Variants in NEO1 observed in about 807,000 individuals in gnomAD.
NEO1 encodes the protein neogenin.
In NEO1, 63 loss-of-function variants were observed where a neutral mutation model predicts 159.7. That is an observed-to-expected ratio of 0.39 (90% confidence interval 0.32 to 0.49). The LOEUF is 0.49. NEO1 is among the 20% of genes least tolerant of loss of function. NEO1 has a pLI of 0.85. For synonymous variants in NEO1, 633 were observed against 662.0 expected, an observed-to-expected ratio of 0.96 and a Z score of 0.67; for missense variants, 1,615 against 1,831.0, an observed-to-expected ratio of 0.88 and a Z score of 2.15.
At chr15:73,119,014 C>T (rs531164518) in intron 2 of NEO1, among the ~76,000 whole-genome samples, 16 of 138,774 alleles carry the variant, frequency 1.2e-4, no homozygotes, top group East Asian at 4.0e-4. Context: ...TGTGTGTGTG[C>T]GCGCAATTAA....
chr15:73,118,569 T>C (rs1425703793), intron 2 of NEO1, among the ~76,000 whole-genome samples: 1 of 152,096 alleles, frequency 6.6e-6, no homozygotes, highest in African/African-American at 2.4e-5. Flanking sequence ...GTTAATTTTA[T>C]CCTCCACCTT....
At position 73,234,997 on chromosome 15, in the gene NEO1, T is replaced by C. The variant is rs150984689; in HGVS notation, c.1292-1350T>C. The stretch of plus-strand genomic sequence containing the variant: ...TGCTGTAAGGATTGAATGATCTATA[T>C]AGAGAGCCAGAGTGCCATATGTAAG... On this transcript the variant is annotated intron_variant, in intron 7 of 28. Coordinates refer to ENST00000261908, the MANE Select transcript of NEO1 (RefSeq NM_002499.4). 6.6e-5 allele frequency among the ~76,000 whole-genome samples: 10 copies of C among 152,306 alleles called. No individual in the cohort carries two copies. In the East Asian group the frequency reaches 1.9e-3, roughly 29 times the overall value.
chr15:73,179,223 A>AATTT (rs2035458108), intron 7 of NEO1, among the ~76,000 whole-genome samples: 1 of 152,202 alleles, frequency 6.6e-6, no homozygotes, highest in Non-Finnish European at 1.5e-5. Flanking sequence ...GTAAGAAGTA[A>AATTT]AGAGAACTCT....
intron 1 of NEO1, among the ~76,000 whole-genome samples, chr15:73,100,524 G>A (rs566963818): frequency 4.6e-5 from 7 of 151,906 alleles, no homozygotes; most frequent in Admixed American, 4.6e-4. Context: ...TTGTAGAGAT[G>A]GGGTTTCGGC....
intron 4 of NEO1, among the ~76,000 whole-genome samples, chr15:73,129,686 A>G (rs1293571135): frequency 2.0e-5 from 3 of 152,246 alleles, no homozygotes; most frequent in Non-Finnish European, 2.9e-5. Flanking sequence ...GTAATTTAGT[A>G]GTCAAATAAT....
chr15:73,074,511 C>T (rs1205534191), intron 1 of NEO1, among the ~76,000 whole-genome samples: 2 of 152,178 alleles, frequency 1.3e-5, no homozygotes, highest in Admixed American at 1.3e-4. Context: ...TTCTGTGACT[C>T]ATACGGAGCT....
At chr15:73,288,650 T>C in intron 24 of NEO1, 99 bp downstream of exon 24, 1 of 952,178 alleles carries the variant, frequency 1.1e-6, no homozygotes, top group South Asian at 1.5e-5. Flanking sequence ...TGGCAATTCC[T>C]ATATGAGATC....
At chr15:73,172,460 T>C (rs1182227244) in intron 5 of NEO1, among the ~76,000 whole-genome samples, 1 of 152,234 alleles carries the variant, frequency 6.6e-6, no homozygotes, top group Non-Finnish European at 1.5e-5. Flanking sequence ...AAGTTATAAA[T>C]CATTGGCTAA....
intron 7 of NEO1, among the ~76,000 whole-genome samples, chr15:73,182,062 T>A (rs925060160): frequency 6.6e-6 from 1 of 151,334 alleles, no homozygotes; most frequent in Middle Eastern, 3.4e-3. Flanking sequence ...GCGAGTCACA[T>A]CTTATATGGA....
At chr15:73,126,324 C>T (rs2030233813) in intron 3 of NEO1, 93 bp from the exon 4 acceptor site, 1 of 1,187,148 alleles carries the variant, frequency 8.4e-7, no homozygotes, top group Non-Finnish European at 1.2e-6. Flanking sequence ...CCCTCCTCGG[C>T]CTCCCAAAGT....
At chr15:73,275,621 C>G (rs2041379389) in intron 21 of NEO1, among the ~76,000 whole-genome samples, 1 of 151,936 alleles carries the variant, frequency 6.6e-6, no homozygotes, top group African/African-American at 2.4e-5. Context: ...CACCACTGCA[C>G]TCCTGCCTAG....
At chr15:73,078,824 T>TA (rs764228823) in intron 1 of NEO1, among the ~76,000 whole-genome samples, 13 of 152,228 alleles carry the variant, frequency 8.5e-5, no homozygotes, top group Non-Finnish European at 1.9e-4. Context: ...TTCTCATGTG[T>TA]AAAGCACTGT....
chr15:73,298,730 T>G, intron 27 of NEO1, 119 bp downstream of exon 27: 1 of 1,358,772 alleles, frequency 7.4e-7, no homozygotes, highest in Non-Finnish European at 1.0e-6. Context: ...TCCAAGCCTA[T>G]CTTAGCAATT....
chr15:73,147,430 G>T (rs1343279153), intron 5 of NEO1, among the ~76,000 whole-genome samples: 1 of 152,126 alleles, frequency 6.6e-6, no homozygotes, highest in Admixed American at 6.5e-5. Flanking sequence ...ATGTTTTGTG[G>T]TCTTTGAGCC....
intron 7 of NEO1, among the ~76,000 whole-genome samples, chr15:73,196,277 A>G (rs1054786234): frequency 2.0e-5 from 3 of 152,238 alleles, no homozygotes; most frequent in Non-Finnish European, 2.9e-5. Flanking sequence ...CTTGCACGCA[A>G]GAATGGGAGG....
At chr15:73,209,333 T>C (rs959166278) in intron 7 of NEO1, among the ~76,000 whole-genome samples, 4 of 152,240 alleles carry the variant, frequency 2.6e-5, no homozygotes, top group Non-Finnish European at 5.9e-5. Context: ...GCAAATAATA[T>C]GCAGCTCTTC....
At chr15:73,218,749 A>G (rs1053077898) in intron 7 of NEO1, among the ~76,000 whole-genome samples, 1 of 152,076 alleles carries the variant, frequency 6.6e-6, no homozygotes, top group African/African-American at 2.4e-5. Context: ...GGTAGTTTGT[A>G]TTTCTGTGGG....
chr15:73,126,674 A>G (rs571063879), intron 4 of NEO1, 104 bp downstream of exon 4: 4 of 1,035,930 alleles, frequency 3.9e-6, no homozygotes, highest in South Asian at 3.5e-5. Flanking sequence ...AACTTTATTT[A>G]AACACATCAT....
chr15:73,057,008 A>G (rs1177619933), intron 1 of NEO1, among the ~76,000 whole-genome samples: 1 of 152,210 alleles, frequency 6.6e-6, no homozygotes, highest in Non-Finnish European at 1.5e-5. Context: ...TAGTGAAAAG[A>G]CATACATGAA....
Sources: allele counts gnomAD v4.1 joint callset (sites outside exome capture counted in the v4.1 genomes callset), GRCh38; gene constraint gnomAD v4.1.1; transcripts MANE v1.5; gene names NCBI Gene and HGNC (gene_info 2026-07-23, HGNC 2026-07-21).